The following OPCML variants were observed in gnomAD, a reference collection of about 807,000 sequenced individuals.
OPCML encodes the protein opioid-binding protein/cell adhesion molecule.
In OPCML, 13 loss-of-function variants were observed where a neutral mutation model predicts 37.8. The ratio of observed to expected loss-of-function variants is 0.34; its 90% CI spans 0.22 to 0.55. The LOEUF (loss-of-function observed/expected upper bound fraction) is 0.55, where lower values mean the gene tolerates loss of function less well. Among genes scored for constraint, OPCML ranks in the 20% least tolerant of loss-of-function variants. The pLI is 0.91. For missense variants in OPCML, 341 were observed against 435.6 expected, an observed-to-expected ratio of 0.78 and a Z score of 1.93; for synonymous variants, 176 against 168.8, an observed-to-expected ratio of 1.04 and a Z score of -0.33.
In OPCML at chr11:133,136,599, C is replaced by T. The variant is rs548368660; in HGVS notation, c.62-193589G>A. ...GGAGGAAGGGCATTCCAGGAAGAGG[C>T]GCTCCTGGAATCAGGCATTCAGGCT... On this transcript the variant is annotated intron_variant, in intron 1 of 7. Transcript: ENST00000524381. 1.4e-3 allele frequency among the ~76,000 whole-genome samples: 219 copies of T among 151,856 alleles called. 1 individual carries two copies. The highest frequency in any genetic ancestry group is 0.01 in the Middle Eastern group (3 of 294).
chr11:133,130,292 A>G (rs1949582971), intron 1 of OPCML, among the ~76,000 whole-genome samples: 1 of 152,164 alleles, frequency 6.6e-6, no homozygotes, highest in African/African-American at 2.4e-5. Flanking sequence ...AATGTGTGGA[A>G]CATTAATGAT....
At chr11:132,764,404 G>A (rs1297829979) in intron 2 of OPCML, among the ~76,000 whole-genome samples, 2 of 152,164 alleles carry the variant, frequency 1.3e-5, no homozygotes, top group South Asian at 2.1e-4. Context: ...CCCTAAGATT[G>A]GTGGCATTCC....
chr11:133,065,621 C>T (rs1434012684), intron 1 of OPCML: 1 of 152,464 alleles, frequency 6.6e-6, no homozygotes, highest in Admixed American at 6.5e-5. Flanking sequence ...CACAGTCTCA[C>T]ATTTGTCTGC....
chr11:133,345,940 C>T (rs1360378912), intron 1 of OPCML, among the ~76,000 whole-genome samples: 2 of 152,154 alleles, frequency 1.3e-5, no homozygotes, highest in African/African-American at 2.4e-5. Context: ...GAACCTAAAG[C>T]AGGACTATTA....
At chr11:132,550,223 T>C (rs2096378300) in intron 3 of OPCML, among the ~76,000 whole-genome samples, 1 of 152,186 alleles carries the variant, frequency 6.6e-6, no homozygotes, top group Admixed American at 6.5e-5. Flanking sequence ...AAGGGGGTGA[T>C]AATAGTGTAT....
At position 133,091,809 on chromosome 11, in the gene OPCML, C is replaced by T. The variant is rs1228691952; in HGVS notation, c.62-148799G>A. ...GAGTCTCACCTATATCTGATTTAAA[C>T]GATATTTAGATGAGACTTTAGATTT... On this transcript the variant is annotated intron_variant, in intron 1 of 7. Coordinates refer to ENST00000524381, the MANE Select transcript of OPCML (RefSeq NM_001012393.5). Among the ~76,000 whole-genome samples, 6 of 152,172 alleles carry T rather than the reference C, an allele frequency of 3.9e-5. No homozygotes were observed. The East Asian group carries it at 1.2e-3, about 29-fold the overall frequency.
At chr11:133,448,700 G>T (rs1020962998) in intron 1 of OPCML, among the ~76,000 whole-genome samples, 1 of 152,056 alleles carries the variant, frequency 6.6e-6, no homozygotes, top group Non-Finnish European at 1.5e-5. Context: ...TCAGGTGATC[G>T]CCCGCCTCAG....
rs77471322 is a variant in OPCML, at chr11:133,144,252, C to T, written c.62-201242G>A. 3.6e-3 allele frequency among the ~76,000 whole-genome samples: 556 copies of T among 152,332 alleles called. 27 individuals carry two copies. The East Asian group carries it at 0.089, about 24-fold the overall frequency. On this transcript the variant is annotated intron_variant, in intron 1 of 7. Coordinates refer to ENST00000524381, the MANE Select transcript of OPCML (RefSeq NM_001012393.5). ...GGTTCCCAGGGATTCCGTGAGGATTCAGCCCCATGCGACCATGGCACTCCC... is the reference window on the plus strand; with the variant it reads ...GGTTCCCAGGGATTCCGTGAGGATTTAGCCCCATGCGACCATGGCACTCCC...
intron 4 of OPCML, among the ~76,000 whole-genome samples, chr11:132,479,548 C>T (rs950609977): frequency 1.4e-4 from 21 of 152,320 alleles, no homozygotes; most frequent in African/African-American, 4.8e-4. Context: ...CTGCCTGCCT[C>T]TGTAGGCTCC....
intron 1 of OPCML, among the ~76,000 whole-genome samples, chr11:133,093,394 CAAT>C (rs1948944928): frequency 6.6e-6 from 1 of 152,060 alleles, no homozygotes; most frequent in African/African-American, 2.4e-5. Context: ...CTGCACCTAT[CAAT>C]CCATCATCTA....
chr11:133,380,769 G>C lies in OPCML; in HGVS notation c.61+151495C>G, dbSNP rs116689237. On this transcript the variant is annotated intron_variant, in intron 1 of 7. Coordinates refer to ENST00000524381, the MANE Select transcript of OPCML (RefSeq NM_001012393.5). ...TGTGATTTCATCATTCATATATTTA[G>C]TGTCTCCCCTGGTTCTTGCTATTCC... 6.3e-3 allele frequency among the ~76,000 whole-genome samples: 955 copies of C among 152,122 alleles called. 11 individuals are homozygous for C. Among genetic ancestry groups the C allele is most frequent in the African/African-American group, 0.022 (914 of 41,500 alleles).
chr11:133,435,002 G>A (rs903300868), intron 1 of OPCML, among the ~76,000 whole-genome samples: 6 of 151,836 alleles, frequency 4.0e-5, no homozygotes, highest in African/African-American at 1.5e-4. Flanking sequence ...AGCTATTTTA[G>A]CAAGTTCTCT....
intron 4 of OPCML, among the ~76,000 whole-genome samples, chr11:132,524,715 C>G (rs2096303509): frequency 2.0e-5 from 3 of 152,152 alleles, no homozygotes; most frequent in Admixed American, 6.5e-5. Context: ...TCCTGGTACA[C>G]TTTAAGTACT....
intron 1 of OPCML, among the ~76,000 whole-genome samples, chr11:133,191,743 C>T (rs1938330892): frequency 6.6e-6 from 1 of 152,150 alleles, no homozygotes; most frequent in Admixed American, 6.5e-5. Flanking sequence ...ATCCACACAC[C>T]TTGGCCTCCC....
At chr11:133,322,206 A>G (rs1386037391) in intron 1 of OPCML, among the ~76,000 whole-genome samples, 1 of 152,172 alleles carries the variant, frequency 6.6e-6, no homozygotes, top group Non-Finnish European at 1.5e-5. Context: ...CTCTGTTCTG[A>G]TCAATATTAA....
intron 4 of OPCML, among the ~76,000 whole-genome samples, chr11:132,512,191 G>T (rs987847134): frequency 6.6e-6 from 1 of 151,980 alleles, no homozygotes; most frequent in Non-Finnish European, 1.5e-5. Flanking sequence ...TATTAGAATA[G>T]ATAATATTTC....
chr11:133,487,922 A>C (rs1195134820), intron 1 of OPCML, among the ~76,000 whole-genome samples: 1 of 152,132 alleles, frequency 6.6e-6, no homozygotes, highest in Non-Finnish European at 1.5e-5. Flanking sequence ...AAGATAATGC[A>C]CCATCATCAG....
intron 1 of OPCML, among the ~76,000 whole-genome samples, chr11:133,092,453 T>C (rs1443240243): frequency 2.6e-5 from 4 of 152,056 alleles, no homozygotes; most frequent in African/African-American, 7.2e-5. Context: ...CTGGGTGTGG[T>C]GGCTCATGCC....
At chr11:133,344,621 C>A (rs1330365504) in intron 1 of OPCML, among the ~76,000 whole-genome samples, 1 of 152,128 alleles carries the variant, frequency 6.6e-6, no homozygotes, top group Non-Finnish European at 1.5e-5. Context: ...CTCAAGGAGC[C>A]CCACCTCCTA....
Sources: gnomAD v4.1 joint callset for allele counts (sites outside exome capture counted in the v4.1 genomes callset) on GRCh38, gnomAD v4.1.1 for gene constraint, MANE v1.5 for transcripts, NCBI Gene and HGNC (gene_info 2026-07-23, HGNC 2026-07-21) for gene names.